PRKCG: variants seen among roughly 807,000 people sequenced by gnomAD.
PRKCG encodes the protein protein kinase C gamma type.
In PRKCG, 28 loss-of-function variants were observed where a neutral mutation model predicts 82.0. That is an observed-to-expected ratio of 0.34 (90% CI 0.25 to 0.47). The LOEUF (loss-of-function observed/expected upper bound fraction) is 0.47. Ranked by LOEUF, PRKCG falls within the 20% of genes least tolerant of loss-of-function variation. The pLI, the probability that PRKCG is intolerant of heterozygous loss-of-function variation, is 1.00. For missense variants in PRKCG, 640 were observed against 952.7 expected (o/e 0.67, Z 4.32); for synonymous variants, 383 against 376.6 (o/e 1.02, Z -0.20).
chr19:53,906,858 G>GCAGCCCCA lies in PRKCG; in HGVS notation c.2059_2066dup (p.Ser690AlafsTer18). On this transcript the variant is annotated frameshift_variant, in exon 18 of 18. Coordinates refer to ENST00000263431, the MANE Select transcript of PRKCG (RefSeq NM_002739.5). LOFTEE classifies it high-confidence loss of function. The stretch of plus-strand genomic sequence containing the variant: ...CCCGACTTCGTGCACCCGGATGCCC[G>GCAGCCCCA]CAGCCCCACCAGCCCAGTGCCTGTG... 6.2e-7 allele frequency: 1 copy of GCAGCCCCA among 1,613,578 alleles called. No individual in the cohort carries two copies. Among genetic ancestry groups the GCAGCCCCA allele is most frequent in the Non-Finnish European group, 8.5e-7 (1 of 1,179,974 alleles).
chr19:53,904,813 TA>T, intron 16 of PRKCG, 71 bp downstream of exon 16: 1 of 1,260,364 alleles, frequency 7.9e-7, no homozygotes, highest in South Asian at 1.2e-5. Context: ...CTGTGCCTAT[TA>T]GAAAAATGCT....
Position 53,906,472 on chromosome 19 carries a change from A to G in PRKCG, c.1905+15A>G. ...GACCCCGCCCGGTCAGTCACCCTCC[A>G]GGCAACAAAAACCTGGTCCCTGAAG... is the stretch of plus-strand genomic sequence containing the variant. On this transcript the variant is annotated intron_variant, in intron 17 of 17. Transcript: ENST00000263431. 1 of 1,572,406 alleles carries G rather than the reference A, an allele frequency of 6.4e-7. No individual in the cohort carries two copies. The highest frequency in any genetic ancestry group is 8.6e-7 in the Non-Finnish European group (1 of 1,158,020).
At position 53,900,518 on chromosome 19, in the gene PRKCG, GC is replaced by G; in HGVS notation, c.1436+41del. On this transcript the variant is annotated intron_variant, in intron 13 of 17. Transcript: ENST00000263431. The surrounding 1 kb of genome is among the most constrained non-coding windows in gnomAD (Gnocchi z 4.2). ...CAGGAATTTCCGTGGAGGAAATCAC[GC>G]CCCTGGAAGGGAAGGGATTTGAATA... 1.9e-6 allele frequency: 3 copies of G among 1,613,992 alleles called. No individual in the cohort carries two copies. Among genetic ancestry groups the G allele is most frequent in the Non-Finnish European group, 1.7e-6 (2 of 1,179,910 alleles).
intron 9 of PRKCG, among the ~76,000 whole-genome samples, chr19:53,893,965 C>A (rs1370266369): frequency 1.3e-5 from 2 of 151,852 alleles, no homozygotes; most frequent in Non-Finnish European, 2.9e-5. Flanking sequence ...CCATGTTGGC[C>A]AGGCTGATCT....
In PRKCG at chr19:53,882,262, C is replaced by T. The variant is rs752173466; in HGVS notation, c.-233C>T. ...CGCCCGTGCCTCCGGCTGCCGGCGC[C>T]CCTGCCTTTGGCTCTTCCTCCCCAC... On this transcript the variant is annotated 5_prime_UTR_variant, in exon 1 of 18. Transcript: ENST00000263431. This position sits in a 1 kb window ranked among gnomAD's most constrained non-coding sequence, Gnocchi z 6.1. 2.2e-5 allele frequency: 13 copies of T among 598,400 alleles called. No individual in the cohort carries two copies. The highest frequency in any genetic ancestry group is 3.5e-5 in the Non-Finnish European group (12 of 339,406). The allele number at this position is 598,400 out of a possible 1,614,324, so 37.1% of individuals were successfully genotyped here. A position where few individuals can be genotyped will look rare whatever the true frequency, so the allele number is the denominator to read the frequency against.
In PRKCG at chr19:53,907,078, G is replaced by T; in HGVS notation, c.*183G>T. ...TTCCTGGCCTTCTGAACTCCATACA[G>T]CCTCTACAGCCGTCCCGCGTTCAAG... On this transcript the variant is annotated 3_prime_UTR_variant, in exon 18 of 18. Coordinates refer to ENST00000263431, the MANE Select transcript of PRKCG (RefSeq NM_002739.5). 1.9e-5 allele frequency: 26 copies of T among 1,337,220 alleles called. No homozygotes were observed. The highest frequency in any genetic ancestry group is 2.4e-5 in the Non-Finnish European group (24 of 986,886). The allele number at this position is 1,337,220 out of a possible 1,614,324, so 82.8% of individuals were successfully genotyped here. A position where few individuals can be genotyped will look rare whatever the true frequency, so the allele number is the denominator to read the frequency against.
At chr19:53,905,354 T>A (rs2068794127) in intron 16 of PRKCG, among the ~76,000 whole-genome samples, 1 of 148,206 alleles carries the variant, frequency 6.7e-6, no homozygotes, top group Non-Finnish European at 1.5e-5. Flanking sequence ...CTACCCCCCA[T>A]CTCTGTCCCC....
At chr19:53,898,789 G>GGGGT (rs1191807586) in intron 11 of PRKCG, among the ~76,000 whole-genome samples, 161 bp downstream of exon 11, 1 of 113,576 alleles carries the variant, frequency 8.8e-6, no homozygotes, top group African/African-American at 3.9e-5. Context: ...GGCCGGGGGG[G>GGGGT]GGTCCTTGGG....
Position 53,884,210 on chromosome 19 carries a change from G to T in PRKCG, c.252G>T (p.Glu84Asp). The T allele has an allele frequency of 6.2e-7, 1 of 1,614,132 alleles. No individual in the cohort carries two copies. Among genetic ancestry groups the T allele is most frequent in the Non-Finnish European group, 8.5e-7 (1 of 1,180,036 alleles). The change falls in exon 3 of 18, where the codon GAG becomes GAT. Residue 84 changes from glutamate (E) to aspartate (D), a missense_variant. Glu to Asp is a conservative substitution (Grantham distance 45). Transcript: ENST00000263431. The surrounding 1 kb of genome is among the most constrained non-coding windows in gnomAD (Gnocchi z 4.6). ...GATGCCACGAATTTGTGACCTTCGAGTGTCCAGGCGCTGGGAAGGGCCCCC... is the reference window on the plus strand; with the variant it reads ...GATGCCACGAATTTGTGACCTTCGATTGTCCAGGCGCTGGGAAGGGCCCCC... The part of the protein sequence containing the change: ...HRRCHEFVTF[E>D]CPGAGKGPQT...
intron 16 of PRKCG, among the ~76,000 whole-genome samples, chr19:53,906,076 C>CTTCTTCTTCT (rs1568763942): frequency 2.7e-4 from 23 of 83,696 alleles, no homozygotes; most frequent in African/African-American, 2.1e-3. Flanking sequence ...CCTCCTCCTC[C>CTTCTTCTTCT]TCCTCCTCCT....
Position 53,894,233 on chromosome 19 carries a change from T to A in PRKCG, c.939+842T>A, listed in dbSNP as rs185145386. On this transcript the variant is annotated intron_variant, in intron 9 of 17. Coordinates refer to ENST00000263431, the MANE Select transcript of PRKCG (RefSeq NM_002739.5). Reference sequence around the variant, plus strand: ...GGCGCCCACCACCATGCCCGGCTAATTTTTTGTATTTTTAGTAGAGATGGG... The same window carrying A: ...GGCGCCCACCACCATGCCCGGCTAAATTTTTGTATTTTTAGTAGAGATGGG... Among the ~76,000 whole-genome samples the A allele has an allele frequency of 3.4e-3, 522 of 151,464 alleles. 1 individual carries two copies. The highest frequency in any genetic ancestry group is 0.012 in the African/African-American group (488 of 41,296).
rs1411927720 is a variant in PRKCG at position 53,907,326 on chromosome 19, C to T, written c.*431C>T. On this transcript the variant is annotated 3_prime_UTR_variant, in exon 18 of 18. Transcript: ENST00000263431. ...ACAGCCCTCGGCCTCCGAGGCTCCCCGCCTCCACTCTAGTTCTAGATGAGT... is the reference window on the plus strand; with the variant it reads ...ACAGCCCTCGGCCTCCGAGGCTCCCTGCCTCCACTCTAGTTCTAGATGAGT... 2 of 267,100 alleles carry T rather than the reference C, an allele frequency of 7.5e-6. No individual in the cohort carries two copies. The highest frequency in any genetic ancestry group is 7.4e-6 in the Non-Finnish European group (1 of 135,174). The allele number at this position is 267,100 out of a possible 1,614,324, so 16.5% of individuals were successfully genotyped here.
chr19:53,895,519 A>G (rs2068711708), intron 9 of PRKCG, among the ~76,000 whole-genome samples: 1 of 151,448 alleles, frequency 6.6e-6, no homozygotes. Flanking sequence ...GAAGACAAGA[A>G]TCTTCAAGAT....
intron 9 of PRKCG, among the ~76,000 whole-genome samples, chr19:53,895,393 C>T (rs553950016): frequency 4.0e-5 from 6 of 148,204 alleles, no homozygotes; most frequent in Non-Finnish European, 7.4e-5. Context: ...AAGGCTGAGG[C>T]AGGAGAATTG....
At chr19:53,882,095 AG>A, upstream of PRKCG, 1 of 279,382 alleles carries the variant, frequency 3.6e-6, no homozygotes, top group Non-Finnish European at 7.0e-6. This position sits in a 1 kb window ranked among gnomAD's most constrained non-coding sequence, Gnocchi z 6.1. Context: ...GGGGGCGGGG[AG>A]GGAGGACATT....
At position 53,892,766 on chromosome 19, in the gene PRKCG, ACAC is replaced by A; in HGVS notation, c.821+124_821+126del. The A allele has an allele frequency of 8.3e-7, 1 of 1,206,742 alleles. No individual in the cohort carries two copies. Among genetic ancestry groups the A allele is most frequent in the Non-Finnish European group, 1.2e-6 (1 of 863,266 alleles). The allele number at this position is 1,206,742 out of a possible 1,614,324, so 74.8% of individuals were successfully genotyped here. A position where few individuals can be genotyped will look rare whatever the true frequency, so the allele number is the denominator to read the frequency against. ...TCCCAGCATGCGCACACACACACAC[ACAC>A]ACACACACACACGCACACACACGCA... On this transcript the variant is annotated intron_variant, in intron 7 of 17. Transcript: ENST00000263431. The surrounding 1 kb of genome is among the most constrained non-coding windows in gnomAD (Gnocchi z 5.9).
intron 9 of PRKCG, among the ~76,000 whole-genome samples, chr19:53,895,505 A>G (rs1357907826): frequency 1.3e-5 from 2 of 151,658 alleles, no homozygotes; most frequent in African/African-American, 2.4e-5. Flanking sequence ...AAAAAAAAAA[A>G]AAAGAAGACA....
chr19:53,885,830 T>C (rs2068627363), intron 3 of PRKCG, among the ~76,000 whole-genome samples: 1 of 152,028 alleles, frequency 6.6e-6, no homozygotes, highest in Non-Finnish European at 1.5e-5. Context: ...CACGTGTATG[T>C]GATTGATGAC....
intron 3 of PRKCG, among the ~76,000 whole-genome samples, chr19:53,887,660 C>G (rs191602016): frequency 6.7e-6 from 1 of 149,720 alleles, no homozygotes; most frequent in Non-Finnish European, 1.5e-5. Context: ...GAAACCCCGT[C>G]TCTACTAAAA....
Sources: gnomAD v4.1 joint callset for allele counts (sites outside exome capture counted in the v4.1 genomes callset) on GRCh38, gnomAD v4.1.1 for gene constraint, Gnocchi (gnomAD v3.1) non-coding constraint, MANE v1.5 for transcripts, NCBI Gene and HGNC (gene_info 2026-07-23, HGNC 2026-07-21) for gene names.